The following ANO4 variants were observed in gnomAD, a reference collection of about 807,000 sequenced individuals.
The protein encoded by ANO4 is anoctamin 4.
ANO4 carries 69 observed loss-of-function variants against 141.9 expected under a neutral mutation model. The ratio of observed to expected loss-of-function variants is 0.49; its 90% CI spans 0.40 to 0.59. The LOEUF is 0.59. ANO4 is among the 20% of genes least tolerant of loss of function. The pLI is 0.00. For missense variants in ANO4, 894 were observed against 1,162.2 expected (o/e 0.77, Z 3.36); for synonymous variants, 350 against 394.3 (o/e 0.89, Z 1.33).
At chr12:100,828,004 T>C (rs1194327031) in intron 1 of ANO4, among the ~76,000 whole-genome samples, 1 of 151,990 alleles carries the variant, frequency 6.6e-6, no homozygotes, top group Non-Finnish European at 1.5e-5. Context: ...AAGTTATATC[T>C]AGAGTCTTAG....
At chr12:100,769,832 C>A (rs1463649805) in intron 3 of ANO4, among the ~76,000 whole-genome samples, 1 of 152,060 alleles carries the variant, frequency 6.6e-6, no homozygotes, top group Non-Finnish European at 1.5e-5. Context: ...GAGCCAGAGG[C>A]AAAATTATAA....
chr12:100,842,016 T>C (rs1457009366), intron 1 of ANO4, among the ~76,000 whole-genome samples: 1 of 147,714 alleles, frequency 6.8e-6, no homozygotes, highest in Non-Finnish European at 1.5e-5. Flanking sequence ...TCAGCCAAAT[T>C]CTCTGTGTAG....
chr12:100,864,000 A>T (rs2135900254), intron 1 of ANO4, among the ~76,000 whole-genome samples: 1 of 152,220 alleles, frequency 6.6e-6, no homozygotes, highest in South Asian at 2.1e-4. Flanking sequence ...AGCTCCTCCA[A>T]ATTATTCCAA....
intron 14 of ANO4, among the ~76,000 whole-genome samples, chr12:101,073,872 T>G (rs680464): frequency 0.71 from 107,617 of 151,960 alleles, 38,999 homozygotes; most frequent in East Asian, 0.89. Context: ...TTTGTGGGTA[T>G]GTTTTTATTT....
chr12:100,819,071 A>G (rs2035891186), intron 1 of ANO4, among the ~76,000 whole-genome samples: 1 of 150,252 alleles, frequency 6.7e-6, no homozygotes, highest in South Asian at 2.1e-4. Context: ...GTATGTGTGT[A>G]TATATATATT....
intron 2 of ANO4, among the ~76,000 whole-genome samples, chr12:100,739,030 A>ATATAT: frequency 2.3e-5 from 1 of 42,992 alleles, no homozygotes; most frequent in African/African-American, 3.7e-5. Context: ...ATATATATAT[A>ATATAT]ATCTCTAAAT....
chr12:101,003,189 T>C (rs1357238400), intron 8 of ANO4, among the ~76,000 whole-genome samples: 3 of 152,242 alleles, frequency 2.0e-5, no homozygotes, highest in Admixed American at 1.3e-4. Context: ...CAAATCTCAG[T>C]GGCCTGCACA....
At chr12:100,880,194 G>A (rs1265446737) in intron 1 of ANO4, among the ~76,000 whole-genome samples, 1 of 152,178 alleles carries the variant, frequency 6.6e-6, no homozygotes, top group Non-Finnish European at 1.5e-5. Flanking sequence ...AGAGGTCAGA[G>A]TTTGAAGAAC....
intron 2 of ANO4, among the ~76,000 whole-genome samples, chr12:100,904,687 G>T (rs553029749): frequency 3.3e-5 from 5 of 152,160 alleles, no homozygotes; most frequent in Non-Finnish European, 5.9e-5. Context: ...GGACCTTATA[G>T]GCCATTGTAA....
intron 3 of ANO4, among the ~76,000 whole-genome samples, chr12:100,933,784 C>T (rs937937721): frequency 2.6e-5 from 4 of 151,440 alleles, no homozygotes; most frequent in Non-Finnish European, 4.4e-5. Context: ...TCTGTTGTTT[C>T]CTGCCATTCT....
chr12:100,972,901 C>T (rs1170770963), intron 6 of ANO4, among the ~76,000 whole-genome samples: 1 of 152,202 alleles, frequency 6.6e-6, no homozygotes, highest in African/African-American at 2.4e-5. Context: ...TCTCTTACTA[C>T]CTGCAAAGGA....
chr12:100,935,461 A>G (rs1015892716), intron 3 of ANO4, among the ~76,000 whole-genome samples: 3 of 152,158 alleles, frequency 2.0e-5, no homozygotes, highest in African/African-American at 7.2e-5. Flanking sequence ...TGGACTTCTC[A>G]GAGTATTTGA....
intron 1 of ANO4, among the ~76,000 whole-genome samples, chr12:100,857,663 A>C (rs73159510): frequency 1.3e-3 from 192 of 152,290 alleles, no homozygotes; most frequent in Non-Finnish European, 2.3e-3. Context: ...TGACATCATT[A>C]AATTATCCAT....
At chr12:100,860,679 C>T (rs938140645) in intron 1 of ANO4, among the ~76,000 whole-genome samples, 1 of 152,192 alleles carries the variant, frequency 6.6e-6, no homozygotes, top group South Asian at 2.1e-4. Flanking sequence ...TCTTAAGAGC[C>T]TCCTCTATAC....
chr12:100,789,942 A>G (rs1035397403), upstream of ANO4, among the ~76,000 whole-genome samples: 2 of 152,206 alleles, frequency 1.3e-5, no homozygotes, highest in African/African-American at 4.8e-5. Context: ...TGATAAAAAG[A>G]CGAGAAAAAA....
chr12:100,966,491 A>G (rs778831767), intron 5 of ANO4, among the ~76,000 whole-genome samples: 3 of 152,122 alleles, frequency 2.0e-5, no homozygotes, highest in Non-Finnish European at 4.4e-5. Flanking sequence ...CATTGTACCT[A>G]TACTCCCATA....
Position 100,833,796 on chromosome 12 carries a change from C to T in ANO4, c.-141+38769C>T, listed in dbSNP as rs140789816. ...ATCCTTCCCCACCCATCCAGATGATCCTGTTCATTATTCAAAGACTAGATC... is the reference window on the plus strand; with the variant it reads ...ATCCTTCCCCACCCATCCAGATGATTCTGTTCATTATTCAAAGACTAGATC... On this transcript the variant is annotated intron_variant, in intron 1 of 27. Coordinates refer to ENST00000392977, the MANE Select transcript of ANO4 (RefSeq NM_001286615.2). 6.5e-3 allele frequency among the ~76,000 whole-genome samples: 983 copies of T among 152,212 alleles called. 8 individuals are homozygous for T. Among genetic ancestry groups the T allele is most frequent in the Non-Finnish European group, 0.011 (735 of 68,018 alleles).
intron 2 of ANO4, among the ~76,000 whole-genome samples, chr12:100,918,033 G>A (rs1227096725): frequency 2.0e-5 from 3 of 152,170 alleles, no homozygotes; most frequent in African/African-American, 7.2e-5. Context: ...TTATAAAAGT[G>A]TTTTGTGCTA....
At chr12:100,910,487 T>C (rs2041053993) in intron 2 of ANO4, among the ~76,000 whole-genome samples, 2 of 152,186 alleles carry the variant, frequency 1.3e-5, no homozygotes, top group Admixed American at 1.3e-4. Context: ...TTTGACCTTA[T>C]CCTTTAGACA....
Sources: gnomAD v4.1 joint callset for allele counts (sites outside exome capture counted in the v4.1 genomes callset) on GRCh38, gnomAD v4.1.1 for gene constraint, MANE v1.5 for transcripts, NCBI Gene and HGNC (gene_info 2026-07-23, HGNC 2026-07-21) for gene names.